Variants in PHTF2 observed in about 807,000 individuals in gnomAD.
PHTF2 encodes the protein protein PHTF2.
Under a neutral mutation model 101.2 loss-of-function variants are expected in PHTF2, and 60 were observed. The ratio of observed to expected loss-of-function variants is 0.59; its 90% CI spans 0.48 to 0.73. PHTF2 has a LOEUF of 0.73. Among genes scored for constraint, PHTF2 ranks in the 30% least tolerant of loss-of-function variants. The pLI is 0.00. For missense variants in PHTF2, 747 were observed against 908.7 expected (o/e 0.82, Z 2.29); for synonymous variants, 311 against 307.3 (o/e 1.01, Z -0.13).
At position 77,842,280 on chromosome 7, in the gene PHTF2, C is replaced by T. The variant is rs144056880; in HGVS notation, c.45+1980C>T. ...GTGCTGTGGCACAATCACGGCTCAC[C>T]GCAGCCTTGACCTCCTGGGTTCAAG... On this transcript the variant is annotated intron_variant, in intron 2 of 19. Transcript: ENST00000416283. Among the ~76,000 whole-genome samples, 10 of 152,160 alleles carry T rather than the reference C, an allele frequency of 6.6e-5. No homozygotes were observed. In the East Asian group the frequency reaches 1.2e-3, roughly 18 times the overall value.
chr7:77,911,153 A>G (rs570891049), intron 9 of PHTF2, among the ~76,000 whole-genome samples: 1 of 152,276 alleles, frequency 6.6e-6, no homozygotes, highest in Admixed American at 6.5e-5. Context: ...CTTTTGTACA[A>G]TGTACCATGA....
chr7:77,823,348 G>C (rs1356226225), intron 1 of PHTF2, among the ~76,000 whole-genome samples: 2 of 152,020 alleles, frequency 1.3e-5, no homozygotes, highest in East Asian at 3.9e-4. Flanking sequence ...AGCCTCCCGA[G>C]TAGTTGGGAC....
exon 4 of PHTF2, chr7:77,893,642 C>A (rs1308070049): frequency 3.5e-6 from 5 of 1,426,144 alleles, no homozygotes; most frequent in East Asian, 2.3e-5. Context: ...TGGGAAAAAT[C>A]TGTTGAACAG....
chr7:77,913,234 A>G (rs1208409982), intron 9 of PHTF2, among the ~76,000 whole-genome samples: 1 of 152,014 alleles, frequency 6.6e-6, no homozygotes, highest in Non-Finnish European at 1.5e-5. Context: ...CTAAAAATAC[A>G]AAAATTAGCT....
At chr7:77,811,477 G>A (rs911443772) in intron 1 of PHTF2, among the ~76,000 whole-genome samples, 3 of 152,086 alleles carry the variant, frequency 2.0e-5, no homozygotes, top group East Asian at 1.9e-4. Context: ...GATGATTCTT[G>A]TGTGAATCCA....
intron 3 of PHTF2, among the ~76,000 whole-genome samples, chr7:77,878,396 G>A (rs1241196824): frequency 6.6e-6 from 1 of 151,950 alleles, no homozygotes; most frequent in Non-Finnish European, 1.5e-5. Context: ...TGCAGGGTCC[G>A]AAAAATACCT....
intron 3 of PHTF2, among the ~76,000 whole-genome samples, chr7:77,893,225 T>C (rs1464706029): frequency 6.6e-6 from 1 of 152,174 alleles, no homozygotes; most frequent in Non-Finnish European, 1.5e-5. Context: ...CTGATAGTTT[T>C]TTGTTTTTTT....
At chr7:77,913,965 C>T (rs1231134099) in intron 9 of PHTF2, among the ~76,000 whole-genome samples, 1 of 150,510 alleles carries the variant, frequency 6.6e-6, no homozygotes, top group Admixed American at 6.7e-5. Context: ...ACTTGAGAGG[C>T]TGAGGCAGGA....
rs535422656 is a variant in PHTF2 at position 77,836,766 on chromosome 7, A to G, written c.-35-3455A>G. Among the ~76,000 whole-genome samples the G allele has an allele frequency of 2.6e-5, 4 of 152,074 alleles. No homozygotes were observed. In the South Asian group the frequency reaches 8.3e-4, roughly 32 times the overall value. ...TCTCACTCATAAGTGGGAGTTGAAC[A>G]GTAAGAACACATGGAGACAGGGAGG... On this transcript the variant is annotated intron_variant, in intron 1 of 19. Coordinates refer to ENST00000416283, the Ensembl canonical transcript of PHTF2.
intron 5 of PHTF2, among the ~76,000 whole-genome samples, chr7:77,900,009 A>G (rs1801246729): frequency 6.6e-6 from 1 of 150,490 alleles, no homozygotes; most frequent in African/African-American, 2.4e-5. Context: ...TACACCCCCC[A>G]CTCCACTCTG....
intron 2 of PHTF2, 31 bp downstream of exon 2, chr7:77,840,331 TA>T: frequency 2.1e-6 from 3 of 1,437,382 alleles, no homozygotes; most frequent in Non-Finnish European, 2.9e-6. Context: ...TTTAGCTTTC[TA>T]AATGTTTGAA....
chr7:77,937,685 T>A, intron 12 of PHTF2, 25 bp from the exon 12 acceptor site: 1 of 1,058,134 alleles, frequency 9.5e-7, no homozygotes, highest in Non-Finnish European at 1.3e-6. Context: ...ATCTATATAT[T>A]TACTAATTTT....
chr7:77,901,132 C>T (rs2150830249), intron 6 of PHTF2, among the ~76,000 whole-genome samples: 1 of 152,328 alleles, frequency 6.6e-6, no homozygotes, highest in Non-Finnish European at 1.5e-5. Flanking sequence ...TCAAGGACAG[C>T]CTCAAGCCAT....
At chr7:77,823,127 A>G (rs1189409968) in intron 1 of PHTF2, among the ~76,000 whole-genome samples, 1 of 151,670 alleles carries the variant, frequency 6.6e-6, no homozygotes, top group Non-Finnish European at 1.5e-5. Flanking sequence ...GATGGTCTCA[A>G]TCTCCTGACC....
intron 16 of PHTF2, among the ~76,000 whole-genome samples, chr7:77,946,615 TC>T: frequency 6.6e-6 from 1 of 152,142 alleles, no homozygotes; most frequent in Non-Finnish European, 1.5e-5. Context: ...AAACCAGAGA[TC>T]AGCAAACTTC....
intron 17 of PHTF2, 120 bp downstream of exon 16, chr7:77,949,953 A>T: frequency 9.3e-6 from 5 of 540,096 alleles, no homozygotes; most frequent in Non-Finnish European, 1.6e-5. Context: ...TATAAAGCAA[A>T]ATGTAAAATT....
intron 12 of PHTF2, among the ~76,000 whole-genome samples, chr7:77,932,904 C>T (rs1317528752): frequency 2.0e-5 from 3 of 152,036 alleles, no homozygotes; most frequent in Non-Finnish European, 4.4e-5. Flanking sequence ...AGTTTATTTT[C>T]ATTTTACATT....
In PHTF2 at chr7:77,923,872, G is replaced by A. The variant is rs890081090; in HGVS notation, c.1119+1094G>A. On this transcript the variant is annotated intron_variant, in intron 11 of 19. Coordinates refer to ENST00000416283, the Ensembl canonical transcript of PHTF2. ...TTGCAACTGTATTTTAAACGATTGA[G>A]TTTCTTGAAGCGCAGAACATTATTC... 14 of 979,934 alleles carry A rather than the reference G, an allele frequency of 1.4e-5. No individual in the cohort carries two copies. In the African/African-American group the frequency reaches 2.3e-4, roughly 16 times the overall value. The allele number at this position is 979,934 out of a possible 1,614,324, so 60.7% of individuals were successfully genotyped here.
chr7:77,917,411 A>G (rs778054806), intron 9 of PHTF2, among the ~76,000 whole-genome samples: 5 of 152,210 alleles, frequency 3.3e-5, no homozygotes, highest in Non-Finnish European at 7.3e-5. Context: ...AGTCCTTTTC[A>G]GTGAGCACAG....
Sources: gnomAD v4.1 joint callset for allele counts (sites outside exome capture counted in the v4.1 genomes callset) on GRCh38, gnomAD v4.1.1 for gene constraint, MANE v1.5 for transcripts, NCBI Gene and HGNC (gene_info 2026-07-23, HGNC 2026-07-21) for gene names.